The following SLC9A6 variants were observed in gnomAD, a reference collection of about 807,000 sequenced individuals.
SLC9A6 encodes the protein solute carrier family 9 member A6, also known as sodium/hydrogen exchanger 6.
SLC9A6 carries 6 observed loss-of-function variants against 45.3 expected under a neutral mutation model. The ratio of observed to expected loss-of-function variants is 0.13; its 90% CI spans 0.07 to 0.26. The LOEUF (loss-of-function observed/expected upper bound fraction) is 0.26, where lower values mean the gene tolerates loss of function less well. Ranked by LOEUF, SLC9A6 falls within the 10% of genes least tolerant of loss-of-function variation. The pLI, the probability that SLC9A6 is intolerant of heterozygous loss-of-function variation, is 1.00. For synonymous variants in SLC9A6, 191 were observed against 187.7 expected, an observed-to-expected ratio of 1.02 and a Z score of -0.14; for missense variants, 278 against 503.7, an observed-to-expected ratio of 0.55 and a Z score of 4.29.
intron 1 of SLC9A6, among the ~76,000 whole-genome samples, chrX:135,978,855 C>T (rs1312453939): frequency 9.1e-6 from 1 of 110,177 alleles, no homozygotes; most frequent in Non-Finnish European, 1.9e-5. Context: ...GTTCCTTCCT[C>T]AGGAAAGGAC....
intron 10 of SLC9A6, among the ~76,000 whole-genome samples, 185 bp from the exon 11 acceptor site, chrX:136,016,460 A>G (rs911580948): frequency 1.7e-4 from 19 of 110,986 alleles, no homozygotes; most frequent in Non-Finnish European, 3.2e-4. Context: ...AGGGGGCAAC[A>G]TTCCTGGCTT....
chrX:135,994,697 A>C, intron 2 of SLC9A6, 89 bp from the exon 3 acceptor site: 8 of 863,569 alleles, frequency 9.3e-6, no homozygotes, highest in African/African-American at 2.0e-5. Flanking sequence ...AACTACCGTA[A>C]GAGATTTTCT....
At chrX:136,034,658 G>T (rs2071384348) in intron 16 of SLC9A6, among the ~76,000 whole-genome samples, 1 of 111,491 alleles carries the variant, frequency 9.0e-6, no homozygotes, top group African/African-American at 3.3e-5. Flanking sequence ...GTATATTTAA[G>T]AAAAATCACT....
intron 8 of SLC9A6, among the ~76,000 whole-genome samples, chrX:136,011,587 G>A (rs894347770): frequency 1.8e-5 from 2 of 111,615 alleles, no homozygotes; most frequent in Non-Finnish European, 3.8e-5. Flanking sequence ...AAGCCAGAAG[G>A]CATGTCTGGA....
At chrX:136,009,938 C>G (rs1276153488) in intron 7 of SLC9A6, among the ~76,000 whole-genome samples, 1 of 111,847 alleles carries the variant, frequency 8.9e-6, no homozygotes, top group African/African-American at 3.3e-5. Flanking sequence ...TTGGCCCATT[C>G]TAGAATTCTA....
upstream of SLC9A6, among the ~76,000 whole-genome samples, chrX:135,980,641 C>T (rs2089282208): frequency 1.8e-5 from 2 of 111,194 alleles, no homozygotes; most frequent in Non-Finnish European, 3.8e-5. Flanking sequence ...ACTGTAACCT[C>T]GAACTTCTGG....
chrX:136,043,421 G>C (rs1556622953), intron 17 of SLC9A6, among the ~76,000 whole-genome samples: 1 of 111,796 alleles, frequency 8.9e-6, no homozygotes, highest in Non-Finnish European at 1.9e-5. Context: ...TCTAGCAACA[G>C]CAGATTAAAT....
At chrX:136,023,636 T>G (rs2071176825) in intron 12 of SLC9A6, among the ~76,000 whole-genome samples, 1 of 110,000 alleles carries the variant, frequency 9.1e-6, no homozygotes, top group Non-Finnish European at 1.9e-5. Context: ...TGCCAGGGGT[T>G]TGATGGAGTG....
chrX:135,991,551 C>T (rs1192880349), intron 2 of SLC9A6, among the ~76,000 whole-genome samples: 1 of 110,990 alleles, frequency 9.0e-6, no homozygotes, highest in Non-Finnish European at 1.9e-5. Context: ...CCACTGCGCC[C>T]GGCTGGCAAC....
intron 11 of SLC9A6, among the ~76,000 whole-genome samples, chrX:136,019,666 A>T (rs1440624071): frequency 8.9e-6 from 1 of 112,733 alleles, no homozygotes; most frequent in African/African-American, 3.2e-5. Context: ...AAGATAATAC[A>T]GAAAGTTCTC....
chrX:136,023,102 C>T (rs1283076774), intron 12 of SLC9A6, among the ~76,000 whole-genome samples: 3 of 94,789 alleles, frequency 3.2e-5, no homozygotes, highest in Admixed American at 1.2e-4. Flanking sequence ...TGAGGCACCA[C>T]GCCTGGCCTA....
chrX:136,017,679 G>A (rs782256469), intron 11 of SLC9A6, among the ~76,000 whole-genome samples: 2 of 111,668 alleles, frequency 1.8e-5, no homozygotes, highest in Non-Finnish European at 3.8e-5. Context: ...AGTAGGAGGT[G>A]AGATCATCTG....
chrX:135,981,461 A>G (rs1482776197), upstream of SLC9A6, among the ~76,000 whole-genome samples: 2 of 111,326 alleles, frequency 1.8e-5, no homozygotes, highest in African/African-American at 6.6e-5. Context: ...GACAGAGCCA[A>G]ACCATATCAG....
chrX:136,025,424 T>A (rs1301204483), intron 13 of SLC9A6, among the ~76,000 whole-genome samples: 3 of 112,353 alleles, frequency 2.7e-5, no homozygotes, highest in African/African-American at 9.7e-5. Flanking sequence ...ACTTTATAGA[T>A]CCTGTCCTCC....
intron 7 of SLC9A6, among the ~76,000 whole-genome samples, chrX:136,002,753 T>C (rs781992833): frequency 1.9e-5 from 2 of 108,021 alleles, no homozygotes; most frequent in African/African-American, 6.7e-5. Flanking sequence ...TAGAGATGGG[T>C]TTTCACCATG....
intron 8 of SLC9A6, among the ~76,000 whole-genome samples, chrX:136,011,737 T>A (rs1229164120): frequency 9.0e-6 from 1 of 111,065 alleles, no homozygotes; most frequent in Non-Finnish European, 1.9e-5. Context: ...GATCTCAGTG[T>A]AGGAAATTGG....
At chrX:136,000,754 C>T (rs1230512990) in intron 6 of SLC9A6, among the ~76,000 whole-genome samples, 1 of 111,967 alleles carries the variant, frequency 8.9e-6, no homozygotes, top group Admixed American at 9.5e-5. Flanking sequence ...GCTCTACTCT[C>T]CTTCTCCCCC....
At chrX:135,995,571 G>A (rs782209681) in intron 3 of SLC9A6, among the ~76,000 whole-genome samples, 5 of 111,799 alleles carry the variant, frequency 4.5e-5, no homozygotes, top group East Asian at 2.8e-4. Context: ...TGAATCCCCC[G>A]CCTCGGCCTC....
chrX:136,022,350 A>G (rs2071141446), intron 11 of SLC9A6, among the ~76,000 whole-genome samples: 1 of 111,947 alleles, frequency 8.9e-6, no homozygotes, highest in East Asian at 2.8e-4. Context: ...ATAAATTTTC[A>G]GTTCCTTGAT....
Sources: allele counts gnomAD v4.1 joint callset (sites outside exome capture counted in the v4.1 genomes callset), GRCh38; gene constraint gnomAD v4.1.1; transcripts MANE v1.5; gene names NCBI Gene and HGNC (gene_info 2026-07-23, HGNC 2026-07-21).